Variants in CADM1 observed in about 807,000 individuals in gnomAD.
CADM1 encodes the protein cell adhesion molecule 1.
In CADM1, 15 loss-of-function variants were observed where a neutral mutation model predicts 53.1. The ratio of observed to expected loss-of-function variants is 0.28; its 90% CI spans 0.19 to 0.44. CADM1 has a LOEUF of 0.44. Ranked by LOEUF, CADM1 falls within the 20% of genes least tolerant of loss-of-function variation. The probability of loss-of-function intolerance (pLI) is 1.00; values close to 1 mark genes in which losing one functional copy is unlikely to be tolerated. For missense variants in CADM1, 434 were observed against 611.3 expected (o/e 0.71, Z 3.06); for synonymous variants, 281 against 243.0 (o/e 1.16, Z -1.45).
chr11:115,242,360 C>G (rs1026322956), intron 1 of CADM1, among the ~76,000 whole-genome samples: 1 of 139,618 alleles, frequency 7.2e-6, no homozygotes, highest in African/African-American at 2.6e-5. Flanking sequence ...AAAAAATGAA[C>G]AGATGCTTAT....
chr11:115,205,339 A>C (rs1940624982), intron 8 of CADM1, among the ~76,000 whole-genome samples: 1 of 152,222 alleles, frequency 6.6e-6, no homozygotes, highest in African/African-American at 2.4e-5. Flanking sequence ...TCCAACTGGA[A>C]GACAGGGGCT....
intron 1 of CADM1, among the ~76,000 whole-genome samples, chr11:115,303,516 G>A (rs1410151832): frequency 6.6e-6 from 1 of 151,950 alleles, no homozygotes; most frequent in Non-Finnish European, 1.5e-5. Flanking sequence ...GTTTTATAGT[G>A]TTTGTTCACA....
chr11:115,340,658 A>ATATATATATATATTTTTT (rs60532835), intron 1 of CADM1, among the ~76,000 whole-genome samples: 1 of 34,936 alleles, frequency 2.9e-5, no homozygotes, highest in African/African-American at 1.4e-4. Flanking sequence ...ATATATATAT[A>ATATATATATATATTTTTT]TTTTTTTTTT....
intron 1 of CADM1, among the ~76,000 whole-genome samples, chr11:115,491,431 G>C (rs912197560): frequency 6.6e-6 from 1 of 152,092 alleles, no homozygotes; most frequent in African/African-American, 2.4e-5. Context: ...CTGGCAAGGT[G>C]GTGGGTGCCT....
chr11:115,349,351 C>A (rs1189489091), intron 1 of CADM1, among the ~76,000 whole-genome samples: 1 of 152,106 alleles, frequency 6.6e-6, no homozygotes, highest in East Asian at 1.9e-4. Flanking sequence ...TTCTTTATTA[C>A]AGGAAAGTAT....
intron 1 of CADM1, among the ~76,000 whole-genome samples, chr11:115,496,890 T>C (rs1370245533): frequency 6.6e-6 from 1 of 152,204 alleles, no homozygotes; most frequent in Non-Finnish European, 1.5e-5. Context: ...GAAAAGTTGA[T>C]ACCTACTGCA....
At chr11:115,228,585 T>C (rs1591624639) in intron 5 of CADM1, among the ~76,000 whole-genome samples, 2 of 152,178 alleles carry the variant, frequency 1.3e-5, no homozygotes, top group East Asian at 3.8e-4. Context: ...CAGGGCATGG[T>C]AAGGAGAAAA....
chr11:115,478,022 A>G (rs1293959890), intron 1 of CADM1, among the ~76,000 whole-genome samples: 1 of 152,234 alleles, frequency 6.6e-6, no homozygotes. Context: ...AAAAGGTAAT[A>G]AGTTAATGCA....
chr11:115,309,432 C>G (rs1166691931), intron 1 of CADM1, among the ~76,000 whole-genome samples: 2 of 152,174 alleles, frequency 1.3e-5, no homozygotes, highest in Middle Eastern at 3.4e-3. Context: ...AAAAAAGTAT[C>G]GTGAAATATT....
At chr11:115,471,182 A>G (rs1054698671) in intron 1 of CADM1, among the ~76,000 whole-genome samples, 2 of 152,182 alleles carry the variant, frequency 1.3e-5, no homozygotes, top group Non-Finnish European at 2.9e-5. Flanking sequence ...TATTAGTGAA[A>G]TTGACAGACC....
intron 1 of CADM1, among the ~76,000 whole-genome samples, chr11:115,255,124 C>G (rs1179864826): frequency 6.6e-6 from 1 of 152,046 alleles, no homozygotes; most frequent in Non-Finnish European, 1.5e-5. Context: ...AGAGGTCAGG[C>G]GCACGGGCTT....
At chr11:115,233,966 AAC>A (rs1251489060) in intron 3 of CADM1, among the ~76,000 whole-genome samples, 6 of 152,234 alleles carry the variant, frequency 3.9e-5, no homozygotes, top group Non-Finnish European at 8.8e-5. Context: ...CTTTGGGAGA[AAC>A]ACTTTGATGC....
intron 1 of CADM1, among the ~76,000 whole-genome samples, chr11:115,295,969 G>C (rs911703312): frequency 6.6e-6 from 1 of 151,994 alleles, no homozygotes; most frequent in African/African-American, 2.4e-5. Context: ...TATTTTTTAA[G>C]AAACAGGGTC....
chr11:115,431,571 C>T lies in CADM1; in HGVS notation c.124+72700G>A, dbSNP rs977097579. 4.6e-5 allele frequency among the ~76,000 whole-genome samples: 7 copies of T among 152,266 alleles called. No individual in the cohort carries two copies. The East Asian group carries it at 1.2e-3, about 25-fold the overall frequency. On this transcript the variant is annotated intron_variant, in intron 1 of 11. Coordinates refer to ENST00000331581, the MANE Select transcript of CADM1 (RefSeq NM_001301043.2). ...TTCTTATAACTCTTAGAACAAGGCC[C>T]CCAGTCCTTCACACAACCTGAAGGG... is the stretch of plus-strand genomic sequence containing the variant.
At position 115,176,155 on chromosome 11, in the gene CADM1, G is replaced by A. The variant is rs751783702; in HGVS notation, c.*319C>T. 1.7e-5 allele frequency: 20 copies of A among 1,173,660 alleles called. No individual in the cohort carries two copies. Among genetic ancestry groups the A allele is most frequent in the Non-Finnish European group, 2.0e-5 (19 of 936,744 alleles). The allele number at this position is 1,173,660 out of a possible 1,614,324, so 72.7% of individuals were successfully genotyped here. A position where few individuals can be genotyped will look rare whatever the true frequency, so the allele number is the denominator to read the frequency against. ...GCACAAAGGGGGAAAAGAAAGGAACGCAACAAACAAACAAAAAACAAGGCA... is the reference window on the plus strand; with the variant it reads ...GCACAAAGGGGGAAAAGAAAGGAACACAACAAACAAACAAAAAACAAGGCA... On this transcript the variant is annotated 3_prime_UTR_variant, in exon 12 of 12. Transcript: ENST00000331581.
intron 1 of CADM1, among the ~76,000 whole-genome samples, chr11:115,392,364 T>C (rs1230049830): frequency 6.6e-6 from 1 of 151,868 alleles, no homozygotes; most frequent in East Asian, 1.9e-4. Context: ...GCTTTTCCTA[T>C]TCAAGCAGAA....
At chr11:115,421,533 G>A (rs923891272) in intron 1 of CADM1, among the ~76,000 whole-genome samples, 1 of 152,102 alleles carries the variant, frequency 6.6e-6, no homozygotes, top group Non-Finnish European at 1.5e-5. Flanking sequence ...GCTCACCAGC[G>A]GTGCCAAACT....
intron 1 of CADM1, among the ~76,000 whole-genome samples, chr11:115,258,431 A>G (rs1172234395): frequency 6.6e-6 from 1 of 152,196 alleles, no homozygotes; most frequent in East Asian, 1.9e-4. Context: ...AACCACAAGA[A>G]AAGCATGGCA....
intron 1 of CADM1, among the ~76,000 whole-genome samples, chr11:115,408,688 A>G (rs1049398619): frequency 1.3e-5 from 2 of 152,220 alleles, no homozygotes; most frequent in African/African-American, 4.8e-5. Flanking sequence ...CAAGAAAATT[A>G]GTTAAGACAT....
Sources: gnomAD v4.1 joint callset for allele counts (sites outside exome capture counted in the v4.1 genomes callset) on GRCh38, gnomAD v4.1.1 for gene constraint, MANE v1.5 for transcripts, NCBI Gene and HGNC (gene_info 2026-07-23, HGNC 2026-07-21) for gene names.